CNTNAP1: variants seen among roughly 807,000 people sequenced by gnomAD.
The protein encoded by CNTNAP1 is contactin-associated protein 1.
Under a neutral mutation model 161.5 loss-of-function variants are expected in CNTNAP1, and 80 were observed. The observed-to-expected ratio is 0.50, with a 90% CI of 0.41 to 0.60. The LOEUF (loss-of-function observed/expected upper bound fraction) is 0.60, where lower values mean the gene tolerates loss of function less well. Among genes scored for constraint, CNTNAP1 ranks in the 20% least tolerant of loss-of-function variants. The pLI is 0.00. For missense variants in CNTNAP1, 1,464 were observed against 1,854.8 expected (o/e 0.79, Z 3.87); for synonymous variants, 695 against 733.1 (o/e 0.95, Z 0.84).
intron 12 of CNTNAP1, 61 bp from the exon 13 acceptor site, chr17:42,690,678 C>G: frequency 6.5e-7 from 1 of 1,537,564 alleles, no homozygotes. Context: ...TGGAGGTGGG[C>G]AGGGAGATGG....
At position 42,691,301 on chromosome 17, in the gene CNTNAP1, G is replaced by T; in HGVS notation, c.2216+8G>T. 6.2e-7 allele frequency: 1 copy of T among 1,614,106 alleles called. No homozygotes were observed. Among genetic ancestry groups the T allele is most frequent in the Middle Eastern group, 1.6e-4 (1 of 6,062 alleles). ...CGCTGACCAGCCCCAGTGGTGAGGG[G>T]GCAAAGGGACAGGGTTTTTAGGACT... On this transcript the variant is annotated splice_region_variant and intron_variant, in intron 14 of 23. Transcript: ENST00000264638. This position sits in a 1 kb window ranked among gnomAD's most constrained non-coding sequence, Gnocchi z 4.3.
rs535088474 is a variant in CNTNAP1, at chr17:42,691,076, A to G, written c.2060-61A>G. 1.0e-4 allele frequency: 163 copies of G among 1,600,388 alleles called. No homozygotes were observed. The African/African-American group carries it at 2.0e-3, about 20-fold the overall frequency. On this transcript the variant is annotated intron_variant, in intron 13 of 23. Transcript: ENST00000264638. The surrounding 1 kb of genome is among the most constrained non-coding windows in gnomAD (Gnocchi z 4.3). Reference sequence around the variant, plus strand: ...GGGGTCTGAACTCGCTGGAAGGGCGAGAGGAGCCCAGAGGCTAATGGAGGG... The same window carrying G: ...GGGGTCTGAACTCGCTGGAAGGGCGGGAGGAGCCCAGAGGCTAATGGAGGG...
rs1217138877 is a variant in CNTNAP1 at position 42,698,814 on chromosome 17, A to G, written c.4059A>G (p.Pro1353=). 2 of 1,606,092 alleles carry G rather than the reference A, an allele frequency of 1.2e-6. No homozygotes were observed. The highest frequency in any genetic ancestry group is 1.3e-5 in the African/African-American group (1 of 74,128). ...PTPTAAPNQA[P]ASAPAPAPTP... is the part of the protein sequence containing the mutation. ...CTACAGCAGCTCCCAACCAAGCTCC[A>G]GCCTCAGCCCCAGCCCCAGCCCCAA... The change falls in exon 24 of 24, where the codon CCA becomes CCG. Residue 1353 remains proline, a synonymous_variant. Transcript: ENST00000264638.
intron 16 of CNTNAP1, among the ~76,000 whole-genome samples, chr17:42,692,192 C>T (rs987978813): frequency 6.6e-6 from 1 of 152,192 alleles, no homozygotes; most frequent in East Asian, 1.9e-4. Context: ...CCTCTCTTGG[C>T]CTTAAGCCCC....
At position 42,687,773 on chromosome 17, in the gene CNTNAP1, A is replaced by T. The variant is rs766148868; in HGVS notation, c.1098A>T (p.Gly366=). The change falls in exon 8 of 24, where the codon GGA becomes GGT. Residue 366 remains glycine, a synonymous_variant. Transcript: ENST00000264638. The surrounding 1 kb of genome is among the most constrained non-coding windows in gnomAD (Gnocchi z 4.7). ...CGGTACCGCACCCTATCAACTTCGG[A>T]GGCCCTCACAACTTCGTTCAAGTGC... ...LDPVPHPINF[G]GPHNFVQVPG... is the part of the protein sequence containing the mutation. The T allele has an allele frequency of 6.2e-7, 1 of 1,614,100 alleles. No homozygotes were observed. Among genetic ancestry groups the T allele is most frequent in the Non-Finnish European group, 8.5e-7 (1 of 1,180,018 alleles).
At position 42,687,954 on chromosome 17, in the gene CNTNAP1, G is replaced by A. The variant is rs754056108; in HGVS notation, c.1279G>A (p.Gly427Ser). ...GQVNVSIAQS[G>S]RKKLQFAAGY... The stretch of plus-strand genomic sequence containing the variant: ...GGTCAACGTGTCCATCGCGCAGAGC[G>A]GCCGAAAGAAGCTTCAGTTCGCTGC... The change falls in exon 8 of 24, where the codon GGC becomes AGC. Residue 427 changes from glycine to serine, a missense_variant. By Grantham distance (56) the Gly-to-Ser change is moderately conservative. Around this residue, in one of 3 missense-constraint regions of CNTNAP1, gnomAD observed 1,383 missense variants for 1,765.0 expected, o/e 0.78. Coordinates refer to ENST00000264638, the MANE Select transcript of CNTNAP1 (RefSeq NM_003632.3). This position sits in a 1 kb window ranked among gnomAD's most constrained non-coding sequence, Gnocchi z 4.7. The A allele has an allele frequency of 1.1e-5, 18 of 1,613,304 alleles. No individual in the cohort carries two copies. Among genetic ancestry groups the A allele is most frequent in the Middle Eastern group, 3.3e-4 (2 of 6,062 alleles).
At position 42,687,998 on chromosome 17, in the gene CNTNAP1, G is replaced by A. The variant is rs1440902431; in HGVS notation, c.1306+17G>A. 1.4e-5 allele frequency: 22 copies of A among 1,608,788 alleles called. No individual in the cohort carries two copies. Among genetic ancestry groups the A allele is most frequent in the Non-Finnish European group, 1.9e-5 (22 of 1,177,214 alleles). On this transcript the variant is annotated intron_variant, in intron 8 of 23. Coordinates refer to ENST00000264638, the MANE Select transcript of CNTNAP1 (RefSeq NM_003632.3). This position sits in a 1 kb window ranked among gnomAD's most constrained non-coding sequence, Gnocchi z 4.7. The stretch of plus-strand genomic sequence containing the variant: ...TCGCTGCTGGTGAGGGCGTTTCGGG[G>A]GAGGCACAAGAAGAGAAGAGAAGTG...
Position 42,682,907 on chromosome 17 carries a change from G to C in CNTNAP1, c.67+11G>C, listed in dbSNP as rs374014895. The C allele has an allele frequency of 4.4e-6, 7 of 1,595,592 alleles. No homozygotes were observed. Among genetic ancestry groups the C allele is most frequent in the Non-Finnish European group, 6.0e-6 (7 of 1,172,428 alleles). On this transcript the variant is annotated intron_variant, in intron 1 of 23. Transcript: ENST00000264638. The stretch of plus-strand genomic sequence containing the variant: ...AGGGCTGGGGCTACTGTGAGTGTTG[G>C]GCTTGGAGGCAGGTGGGGTTGGGCC...
intron 1 of CNTNAP1, 52 bp from the exon 2 acceptor site, chr17:42,683,769 G>T (rs951751952): frequency 2.5e-5 from 39 of 1,573,454 alleles, no homozygotes; most frequent in Non-Finnish European, 3.4e-5. Flanking sequence ...CCGGCCTTTG[G>T]AAGGGTCTGG....
At position 42,693,318 on chromosome 17, in the gene CNTNAP1, G is replaced by A. The variant is rs779511124; in HGVS notation, c.2774G>A (p.Arg925His). The A allele has an allele frequency of 5.0e-6, 8 of 1,614,156 alleles. No homozygotes were observed. Among genetic ancestry groups the A allele is most frequent in the East Asian group, 4.5e-5 (2 of 44,878 alleles). ...LYVGSAELKR[R>H]PFVGCLRAMR... ...CCAGGATCTGCAGAGCTTAAGAGACGCCCCTTTGTGGGTTGCTTGAGGGCC... is the reference window on the plus strand; with the variant it reads ...CCAGGATCTGCAGAGCTTAAGAGACACCCCTTTGTGGGTTGCTTGAGGGCC... The change falls in exon 18 of 24, where the codon CGC becomes CAC. Residue 925 changes from arginine (R) to histidine (H), a missense_variant. Physicochemically the swap from Arg to His is conservative, Grantham distance 29. This residue lies in a region of CNTNAP1 where 1,383 missense variants were observed against 1,765.0 expected (regional missense o/e 0.78). Coordinates refer to ENST00000264638, the MANE Select transcript of CNTNAP1 (RefSeq NM_003632.3).
At chr17:42,692,020 G>T in intron 16 of CNTNAP1, 29 bp downstream of exon 16, 1 of 1,605,306 alleles carries the variant, frequency 6.2e-7, no homozygotes, top group Non-Finnish European at 8.5e-7. Context: ...GGAGGGCCTC[G>T]GGGTAGATGA....
At position 42,695,691 on chromosome 17, in the gene CNTNAP1, C is replaced by T. The variant is rs1460118327; in HGVS notation, c.3163C>T (p.Pro1055Ser). 1.2e-6 allele frequency: 2 copies of T among 1,614,178 alleles called. No homozygotes were observed. Among genetic ancestry groups the T allele is most frequent in the Admixed American group, 3.3e-5 (2 of 60,002 alleles). Residue 1055 changes from proline (P) to serine (S), a missense_variant, in exon 19 of 24, where the codon CCC becomes TCC. Pro to Ser is a moderately conservative substitution (Grantham distance 74). Coordinates refer to ENST00000264638, the MANE Select transcript of CNTNAP1 (RefSeq NM_003632.3). ...GGGCTATGTGCCTGGCTACCATGGCCCCGGGTACCGCCTGCCCGACTACCC... is the reference window on the plus strand; with the variant it reads ...GGGCTATGTGCCTGGCTACCATGGCTCCGGGTACCGCCTGCCCGACTACCC... ...TPGYVPGYHGPGYRLPDYPRP... is the reference protein window; with the variant it reads ...TPGYVPGYHGSGYRLPDYPRP...
In CNTNAP1 at chr17:42,690,138, G is replaced by A; in HGVS notation, c.1786G>A (p.Gly596Arg). 1 of 1,614,026 alleles carries A rather than the reference G, an allele frequency of 6.2e-7. No homozygotes were observed. The highest frequency in any genetic ancestry group is 8.5e-7 in the Non-Finnish European group (1 of 1,179,962). ...EAYRLSGKTS[G>R]NFTIDPDGSG... is the part of the protein sequence containing the mutation. ...TTATCGGCTCAGTGGGAAAACTTCT[G>A]GAAACTTCACCATTGATCCTGATGG... Residue 596 changes from glycine (G) to arginine (R), a missense_variant, in exon 12 of 24, where the codon GGA (glycine) becomes AGA (arginine). By Grantham distance (125) the Gly-to-Arg change is moderately radical (BLOSUM62 -2). Around this residue, in one of 3 missense-constraint regions of CNTNAP1, gnomAD observed 1,383 missense variants for 1,765.0 expected, o/e 0.78. Transcript: ENST00000264638.
intron 18 of CNTNAP1, among the ~76,000 whole-genome samples, chr17:42,694,613 C>T (rs1280094723): frequency 1.4e-5 from 2 of 145,738 alleles, no homozygotes; most frequent in Admixed American, 6.9e-5. Context: ...CTGGGGGGCA[C>T]AGCAAGGACT....
At chr17:42,683,231 C>A in intron 1 of CNTNAP1, 1 of 560,270 alleles carries the variant, frequency 1.8e-6, no homozygotes, top group Non-Finnish European at 2.6e-6. Context: ...AAGGTTTTGC[C>A]AGGGCTTAAG....
rs369035284 is a variant in CNTNAP1 at position 42,688,446 on chromosome 17, A to G, written c.1307-16A>G. 1 of 1,614,024 alleles carries G rather than the reference A, an allele frequency of 6.2e-7. No homozygotes were observed. The highest frequency in any genetic ancestry group is 8.5e-7 in the Non-Finnish European group (1 of 1,180,024). ...GCTGCTTCCCTCCACCCACACCATC[A>G]TCCATTCTTGTCCAGGGTACCGACT... On this transcript the variant is annotated splice_polypyrimidine_tract_variant and intron_variant, in intron 8 of 23. Transcript: ENST00000264638.
At position 42,686,474 on chromosome 17, in the gene CNTNAP1, T is replaced by TG. The variant is rs1567970481; in HGVS notation, c.900+333_900+334insG. Among the ~76,000 whole-genome samples, 141 of 110,606 alleles carry TG rather than the reference T, an allele frequency of 1.3e-3. 2 individuals are homozygous for TG. Among genetic ancestry groups the TG allele is most frequent in the Middle Eastern group, 3.7e-3 (1 of 268 alleles). The allele number at this position is 110,606 out of a possible 152,430, so 72.6% of individuals were successfully genotyped here. A position where few individuals can be genotyped will look rare whatever the true frequency, so the allele number is the denominator to read the frequency against. The stretch of plus-strand genomic sequence containing the variant: ...CACTCACCAGAAAAAGGCCTGTTTT[T>TG]TTTTTTTTTTTTTTTTTTTGTGGGT... On this transcript the variant is annotated intron_variant, in intron 6 of 23. Transcript: ENST00000264638.
rs1395270828 is a variant in CNTNAP1 at position 42,685,431 on chromosome 17, C to T, written c.715+11C>T. On this transcript the variant is annotated intron_variant, in intron 5 of 23. Transcript: ENST00000264638. This position sits in a 1 kb window ranked among gnomAD's most constrained non-coding sequence, Gnocchi z 5.0. ...TGCACATGAGCCTGGGTGAGCTCGG[C>T]GACCATGTGCGATGCGGAGCCAACC... 2.5e-6 allele frequency: 4 copies of T among 1,596,526 alleles called. No individual in the cohort carries two copies. Among genetic ancestry groups the T allele is most frequent in the African/African-American group, 1.3e-5 (1 of 74,840 alleles).
Position 42,695,575 on chromosome 17 carries a change from C to T in CNTNAP1, c.3047C>T (p.Ala1016Val), listed in dbSNP as rs145807393. The change falls in exon 19 of 24, where the codon GCG becomes GTG. Residue 1016 changes from alanine (A) to valine (V), a missense_variant. By Grantham distance (64) the Ala-to-Val change is moderately conservative (BLOSUM62 0). Transcript: ENST00000264638. ...GTWMRYNLQS[A>V]LRSAAREFSH... ...TGGATGCGCTATAACCTACAGTCAG[C>T]GCTGCGCTCTGCAGCCAGGGAGTTC... The T allele has an allele frequency of 1.7e-5, 27 of 1,613,928 alleles. No homozygotes were observed. Among genetic ancestry groups the T allele is most frequent in the South Asian group, 2.2e-5 (2 of 91,092 alleles).
Sources: allele counts gnomAD v4.1 joint callset (sites outside exome capture counted in the v4.1 genomes callset), GRCh38; gene constraint gnomAD v4.1.1; regional missense constraint gnomAD v4.1.1; non-coding constraint Gnocchi (gnomAD v3.1); transcripts MANE v1.5; gene names NCBI Gene and HGNC (gene_info 2026-07-23, HGNC 2026-07-21).